DNAJC5G: variants seen among roughly 807,000 people sequenced by gnomAD.
DNAJC5G encodes the protein dnaJ homolog subfamily C member 5G.
A neutral mutation model predicts 19.1 loss-of-function variants in DNAJC5G; 13 were observed. That is an observed-to-expected ratio of 0.68 (90% CI 0.44 to 1.08). The LOEUF is 1.08. Among genes scored for constraint, DNAJC5G ranks in the 50% least tolerant of loss-of-function variants. DNAJC5G has a pLI of 0.00. For synonymous variants in DNAJC5G, 81 were observed against 84.4 expected, an observed-to-expected ratio of 0.96 and a Z score of 0.22; for missense variants, 245 against 230.4, an observed-to-expected ratio of 1.06 and a Z score of -0.41.
chr2:27,279,909 T>A (rs1198596906), intron 5 of DNAJC5G, among the ~76,000 whole-genome samples: 1 of 146,878 alleles, frequency 6.8e-6, no homozygotes, highest in African/African-American at 2.5e-5. Context: ...GGTGACAGAG[T>A]GAGACCCTGT....
Position 27,280,183 on chromosome 2 carries a change from A to C in DNAJC5G, c.538A>C (p.Arg180=). 1 of 1,614,088 alleles carries C rather than the reference A, an allele frequency of 6.2e-7. No individual in the cohort carries two copies. ...PPRSGAKCDF[R]SEENSEDDF ...CATCATAGGAGCCAAATGTGATTTT[A>C]GAAGCGAGGAAAATAGCGAAGATGA... Residue 180 remains arginine, a synonymous_variant, in exon 6 of 7, where the codon AGA becomes CGA. Transcript: ENST00000296097.
chr2:27,277,823 T>C lies in DNAJC5G; in HGVS notation c.183T>C (p.His61=). The C allele has an allele frequency of 6.2e-7, 1 of 1,614,100 alleles. No individual in the cohort carries two copies. Among genetic ancestry groups the C allele is most frequent in the Non-Finnish European group, 8.5e-7 (1 of 1,180,028 alleles). The change falls in exon 4 of 7, where the codon CAT becomes CAC. Residue 61 remains histidine (H), a synonymous_variant. Transcript: ENST00000296097. ...HLGRKLALRY[H]PDKNPGNAQA... ...GTAGGAAACTGGCCTTGCGGTATCA[T>C]CCCGACAAGAATCCAGGGAATGCTC...
chr2:27,277,960 A>G lies in DNAJC5G; in HGVS notation c.320A>G (p.His107Arg), dbSNP rs149346046. The part of the protein sequence containing the change: ...HGSLGIYLYD[H>R]FGEEGVRYYF... ...TCATTGGGAATATATCTGTATGATCACTTTGGTGAAGAAGGCGTCAGATAC... is the reference window on the plus strand; with the variant it reads ...TCATTGGGAATATATCTGTATGATCGCTTTGGTGAAGAAGGCGTCAGATAC... The change falls in exon 4 of 7, where the codon CAC becomes CGC. Residue 107 changes from histidine to arginine, a missense_variant. Transcript: ENST00000296097. The G allele has an allele frequency of 1.9e-6, 3 of 1,614,222 alleles. No homozygotes were observed. The highest frequency in any genetic ancestry group is 2.5e-6 in the Non-Finnish European group (3 of 1,180,042).
rs750432820 is a variant in DNAJC5G at position 27,277,922 on chromosome 2, C to G, written c.282C>G (p.Tyr94Ter). The change falls in exon 4 of 7, where the codon TAC (tyrosine) becomes TAG (stop). Residue 94 changes from tyrosine to a stop codon, truncating the protein, a stop_gained. Coordinates refer to ENST00000296097, the MANE Select transcript of DNAJC5G (RefSeq NM_173650.3). LOFTEE classifies it high-confidence loss of function. Reference protein sequence around the residue: ...ILSDSKKRKIYDQHGSLGIYL... With the variant: ...ILSDSKKRKI Reference sequence around the variant, plus strand: ...GCGACTCTAAGAAGCGGAAAATTTACGACCAGCATGGCTCATTGGGAATAT... The same window carrying G: ...GCGACTCTAAGAAGCGGAAAATTTAGGACCAGCATGGCTCATTGGGAATAT... 6.2e-7 allele frequency: 1 copy of G among 1,614,182 alleles called. No individual in the cohort carries two copies. Among genetic ancestry groups the G allele is most frequent in the Non-Finnish European group, 8.5e-7 (1 of 1,180,042 alleles).
chr2:27,280,243 C>T lies in DNAJC5G; in HGVS notation c.*18+10C>T, dbSNP rs1281163049. 2 of 1,610,292 alleles carry T rather than the reference C, an allele frequency of 1.2e-6. No homozygotes were observed. Among genetic ancestry groups the T allele is most frequent in the South Asian group, 1.1e-5 (1 of 90,982 alleles). On this transcript the variant is annotated intron_variant, in intron 6 of 6. Transcript: ENST00000296097. The stretch of plus-strand genomic sequence containing the variant: ...GATGAAGAAGGATGAGGTATGTAAA[C>T]CGAAAGGCAGCAACAGTTATCAGAT...
In DNAJC5G at chr2:27,276,271, A is replaced by G. The variant is rs117552569; in HGVS notation, c.-120A>G. ...CAAAAAACTCCGTCAAAAAAAAAAA[A>G]AAGAAGAAGAAGTTGTGGAGCTGTC... On this transcript the variant is annotated 5_prime_UTR_variant, in exon 2 of 7. Transcript: ENST00000296097. 8.8e-3 allele frequency: 1,348 copies of G among 153,032 alleles called. 95 individuals are homozygous for G. In the East Asian group the frequency reaches 0.18, roughly 21 times the overall value. The allele number at this position is 153,032 out of a possible 1,614,324, so 9.5% of individuals were successfully genotyped here. A position where few individuals can be genotyped will look rare whatever the true frequency, so the allele number is the denominator to read the frequency against.
intron 5 of DNAJC5G, among the ~76,000 whole-genome samples, chr2:27,278,648 C>CA (rs1678225552): frequency 7.5e-6 from 1 of 133,912 alleles, no homozygotes; most frequent in African/African-American, 2.8e-5. Context: ...CGCGCCACTG[C>CA]ACTCCAGCCT....
chr2:27,277,927 A>C lies in DNAJC5G; in HGVS notation c.287A>C (p.Gln96Pro). Residue 96 changes from glutamine to proline, a missense_variant, in exon 4 of 7, where the codon CAG becomes CCG. Coordinates refer to ENST00000296097, the MANE Select transcript of DNAJC5G (RefSeq NM_173650.3). The part of the protein sequence containing the change: ...SDSKKRKIYD[Q>P]HGSLGIYLYD... Reference sequence around the variant, plus strand: ...TCTAAGAAGCGGAAAATTTACGACCAGCATGGCTCATTGGGAATATATCTG... The same window carrying C: ...TCTAAGAAGCGGAAAATTTACGACCCGCATGGCTCATTGGGAATATATCTG... 6.2e-7 allele frequency: 1 copy of C among 1,614,238 alleles called. No individual in the cohort carries two copies. The highest frequency in any genetic ancestry group is 8.5e-7 in the Non-Finnish European group (1 of 1,180,046).
Position 27,281,254 on chromosome 2 carries a change from A to G in DNAJC5G, c.*844A>G, listed in dbSNP as rs1321046054. 2 of 152,308 alleles carry G rather than the reference A, an allele frequency of 1.3e-5. No individual in the cohort carries two copies. Among genetic ancestry groups the G allele is most frequent in the Non-Finnish European group, 2.9e-5 (2 of 68,028 alleles). The allele number at this position is 152,308 out of a possible 1,614,324, so 9.4% of individuals were successfully genotyped here. ...GCATGAAATATGTGATCTGGAAAAGATTGTACTTTCTGGACTCTTTTCCCA... is the reference window on the plus strand; with the variant it reads ...GCATGAAATATGTGATCTGGAAAAGGTTGTACTTTCTGGACTCTTTTCCCA... On this transcript the variant is annotated 3_prime_UTR_variant, in exon 7 of 7. Coordinates refer to ENST00000296097, the MANE Select transcript of DNAJC5G (RefSeq NM_173650.3).
At position 27,278,272 on chromosome 2, in the gene DNAJC5G, C is replaced by G. The variant is rs755897205; in HGVS notation, c.460C>G (p.Pro154Ala). Residue 154 changes from proline to alanine, a missense_variant, in exon 5 of 7, where the codon CCT becomes GCT. Pro to Ala is a conservative substitution (Grantham distance 27). Coordinates refer to ENST00000296097, the MANE Select transcript of DNAJC5G (RefSeq NM_173650.3). Reference sequence around the variant, plus strand: ...TTGCTGTGGAGCACTTAAACCACCACCTGAGCAGGATAGTGGGAGAAAATA... The same window carrying G: ...TTGCTGTGGAGCACTTAAACCACCAGCTGAGCAGGATAGTGGGAGAAAATA... ...CFCCGALKPP[P>A]EQDSGRKYQQ... The G allele has an allele frequency of 1.9e-6, 3 of 1,614,152 alleles. No homozygotes were observed. In the East Asian group the frequency reaches 6.7e-5, roughly 36 times the overall value.
Position 27,280,250 on chromosome 2 carries a change from G to C in DNAJC5G, c.*18+17G>C. ...AAGGATGAGGTATGTAAACCGAAAG[G>C]CAGCAACAGTTATCAGATAAGAAAA... On this transcript the variant is annotated intron_variant, in intron 6 of 6. Transcript: ENST00000296097. 1 of 1,602,492 alleles carries C rather than the reference G, an allele frequency of 6.2e-7. No homozygotes were observed. The highest frequency in any genetic ancestry group is 8.6e-7 in the Non-Finnish European group (1 of 1,169,546).
rs1465192489 is a variant in DNAJC5G at position 27,275,446 on chromosome 2, G to T, written c.-393G>T. On this transcript the variant is annotated 5_prime_UTR_variant, in exon 1 of 7. Transcript: ENST00000296097. ...AAAAAACGACCTGCCCAGACCCTCAGCGTCGACGCTGCGCACAAGCGCAGT... is the reference window on the plus strand; with the variant it reads ...AAAAAACGACCTGCCCAGACCCTCATCGTCGACGCTGCGCACAAGCGCAGT... The T allele has an allele frequency of 1.4e-5, 5 of 352,568 alleles. No individual in the cohort carries two copies. Among genetic ancestry groups the T allele is most frequent in the East Asian group, 7.5e-5 (1 of 13,272 alleles). The allele number at this position is 352,568 out of a possible 1,614,324, so 21.8% of individuals were successfully genotyped here. A position where few individuals can be genotyped will look rare whatever the true frequency, so the allele number is the denominator to read the frequency against.
chr2:27,276,983 A>G lies in DNAJC5G; in HGVS notation c.113+142A>G, dbSNP rs1678119402. ...GTCCTGTCACAGAGCAGAGACAGAG[A>G]CTATTGAGAGTGCAGTGGCACGATC... On this transcript the variant is annotated intron_variant, in intron 3 of 6. Coordinates refer to ENST00000296097, the MANE Select transcript of DNAJC5G (RefSeq NM_173650.3). 5.5e-6 allele frequency: 4 copies of G among 728,084 alleles called. No individual in the cohort carries two copies. The South Asian group carries it at 6.0e-5, about 11-fold the overall frequency. The allele number at this position is 728,084 out of a possible 1,614,324, so 45.1% of individuals were successfully genotyped here.
Position 27,278,179 on chromosome 2 carries a change from A to G in DNAJC5G, c.376-9A>G. ...TGCTGGACTGAGGCCATTCTCGCCTACCTTTTAGACACTTGTCATCCTGTG... is the reference window on the plus strand; with the variant it reads ...TGCTGGACTGAGGCCATTCTCGCCTGCCTTTTAGACACTTGTCATCCTGTG... On this transcript the variant is annotated splice_polypyrimidine_tract_variant and intron_variant, in intron 4 of 6. Coordinates refer to ENST00000296097, the MANE Select transcript of DNAJC5G (RefSeq NM_173650.3). 1 of 1,614,104 alleles carries G rather than the reference A, an allele frequency of 6.2e-7. No homozygotes were observed. Among genetic ancestry groups the G allele is most frequent in the South Asian group, 1.1e-5 (1 of 91,078 alleles).
rs1244297124 is a variant in DNAJC5G at position 27,277,903 on chromosome 2, C to CG, written c.263_264insG (p.Lys89Ter). ...GCAGCTCATGCCATACTGAGCGACTCTAAGAAGCGGAAAATTTACGACCAG... is the reference window on the plus strand; with the variant it reads ...GCAGCTCATGCCATACTGAGCGACTCGTAAGAAGCGGAAAATTTACGACCAG... On this transcript the variant is annotated frameshift_variant, in exon 4 of 7. Transcript: ENST00000296097. LOFTEE classifies it high-confidence loss of function. 1.9e-6 allele frequency: 3 copies of CG among 1,614,180 alleles called. No homozygotes were observed. The highest frequency in any genetic ancestry group is 2.5e-6 in the Non-Finnish European group (3 of 1,180,046).
Position 27,280,069 on chromosome 2 carries a change from C to G in DNAJC5G, c.521-97C>G, listed in dbSNP as rs1314889707. The G allele has an allele frequency of 3.5e-6, 4 of 1,148,478 alleles. No individual in the cohort carries two copies. The African/African-American group carries it at 4.6e-5, about 13-fold the overall frequency. 71.1% of individuals were successfully genotyped at this position (1,148,478 alleles called of 1,614,324 possible). A position where few individuals can be genotyped will look rare whatever the true frequency, so the allele number is the denominator to read the frequency against. On this transcript the variant is annotated intron_variant, in intron 5 of 6. Transcript: ENST00000296097. The stretch of plus-strand genomic sequence containing the variant: ...TTGACACCAGCGCCACCTGGTGATG[C>G]TAATGAGTAACTGCAAGGTAACGGT...
Position 27,280,467 on chromosome 2 carries a change from C to G in DNAJC5G, c.*57C>G, listed in dbSNP as rs374080196. 4.0e-5 allele frequency: 18 copies of G among 447,534 alleles called. No homozygotes were observed. Among genetic ancestry groups the G allele is most frequent in the African/African-American group, 3.5e-4 (18 of 50,898 alleles). 27.7% of individuals were successfully genotyped at this position (447,534 alleles called of 1,614,324 possible). Reference sequence around the variant, plus strand: ...GAGGGTGCCTTCTGCTGCCCAGTCCCCTGGACACATTGAAGAGAGGAGCAA... The same window carrying G: ...GAGGGTGCCTTCTGCTGCCCAGTCCGCTGGACACATTGAAGAGAGGAGCAA... On this transcript the variant is annotated 3_prime_UTR_variant, in exon 7 of 7. Coordinates refer to ENST00000296097, the MANE Select transcript of DNAJC5G (RefSeq NM_173650.3).
intron 2 of DNAJC5G, 124 bp from the exon 3 acceptor site, chr2:27,276,602 G>T: frequency 4.2e-6 from 3 of 718,632 alleles, no homozygotes; most frequent in South Asian, 1.9e-5. Flanking sequence ...TCTTATCCTT[G>T]TCCTTCTGTC....
intron 5 of DNAJC5G, 96 bp downstream of exon 5, chr2:27,278,428 C>T: frequency 6.5e-7 from 1 of 1,526,780 alleles, no homozygotes; most frequent in Non-Finnish European, 8.8e-7. Context: ...TGCCTGTAAT[C>T]CCAGCACTTT....
Sources: gnomAD v4.1 joint callset for allele counts (sites outside exome capture counted in the v4.1 genomes callset) on GRCh38, gnomAD v4.1.1 for gene constraint, MANE v1.5 for transcripts, NCBI Gene and HGNC (gene_info 2026-07-23, HGNC 2026-07-21) for gene names.